The following PLCXD3 variants were observed in gnomAD, a reference collection of about 807,000 sequenced individuals.
PLCXD3 encodes the protein phosphatidylinositol specific phospholipase C X domain containing 3, also known as PI-PLC X domain-containing protein 3.
A neutral mutation model predicts 25.5 loss-of-function variants in PLCXD3; 19 were observed. That is an observed-to-expected ratio of 0.75 (90% CI 0.52 to 1.09). The LOEUF is 1.09. Among genes scored for constraint, PLCXD3 ranks in the 50% least tolerant of loss-of-function variants. The pLI is 0.00. For synonymous variants in PLCXD3, 174 were observed against 137.6 expected (o/e 1.26, Z -1.85); for missense variants, 411 against 388.1 (o/e 1.06, Z -0.50).
intron 1 of PLCXD3, among the ~76,000 whole-genome samples, chr5:41,476,536 G>A (rs187296542): frequency 6.6e-6 from 1 of 152,300 alleles, no homozygotes; most frequent in Admixed American, 6.5e-5. Context: ...TCTTATACAT[G>A]TTGTCTCCAT....
At chr5:41,356,107 A>G (rs1167969645) in intron 2 of PLCXD3, among the ~76,000 whole-genome samples, 1 of 152,124 alleles carries the variant, frequency 6.6e-6, no homozygotes, top group Non-Finnish European at 1.5e-5. Flanking sequence ...TCTACTAAAA[A>G]TGCAAAAAAT....
chr5:41,318,836 C>T (rs987931265), intron 2 of PLCXD3, among the ~76,000 whole-genome samples: 2 of 152,084 alleles, frequency 1.3e-5, no homozygotes, highest in Non-Finnish European at 2.9e-5. Flanking sequence ...ACCCAATGAT[C>T]TATTGCCTAC....
intron 2 of PLCXD3, among the ~76,000 whole-genome samples, chr5:41,322,914 C>T (rs994736610): frequency 6.6e-6 from 1 of 150,838 alleles, no homozygotes; most frequent in East Asian, 1.9e-4. Context: ...GAGGAGGTTG[C>T]AGTGAGTCAA....
intron 1 of PLCXD3, among the ~76,000 whole-genome samples, chr5:41,491,447 G>C (rs1314757195): frequency 6.6e-5 from 10 of 152,184 alleles, no homozygotes; most frequent in Non-Finnish European, 1.0e-4. Context: ...ATGTCTATTA[G>C]GTCCACTTGG....
chr5:41,474,828 A>G (rs967894770), intron 1 of PLCXD3, among the ~76,000 whole-genome samples: 9 of 152,312 alleles, frequency 5.9e-5, no homozygotes, highest in African/African-American at 2.2e-4. Context: ...AATCCCATGT[A>G]TCCTGTTGGC....
intron 1 of PLCXD3, chr5:41,475,608 C>T (rs373766644): frequency 3.9e-5 from 21 of 534,578 alleles, no homozygotes; most frequent in African/African-American, 3.7e-4. Context: ...CCCTTCAGGT[C>T]TCTTCAGGTC....
At chr5:41,325,706 C>T (rs189959141) in intron 2 of PLCXD3, among the ~76,000 whole-genome samples, 15 of 152,250 alleles carry the variant, frequency 9.9e-5, no homozygotes, top group Admixed American at 2.0e-4. Context: ...TGAAAGATGA[C>T]TCTGGTGGTA....
At chr5:41,335,616 A>C (rs72755972) in intron 2 of PLCXD3, among the ~76,000 whole-genome samples, 12,862 of 152,154 alleles carry the variant, frequency 0.085, 834 homozygotes, top group East Asian at 0.35. Flanking sequence ...TGTGGAGAGA[A>C]ATAGGGAAAT....
intron 2 of PLCXD3, among the ~76,000 whole-genome samples, chr5:41,351,629 T>A (rs1300981329): frequency 1.3e-5 from 2 of 152,192 alleles, no homozygotes; most frequent in Non-Finnish European, 2.9e-5. Flanking sequence ...TCAGTTTTCA[T>A]ATATTTAAAA....
chr5:41,489,541 A>C (rs2150525073), intron 1 of PLCXD3, among the ~76,000 whole-genome samples: 1 of 152,234 alleles, frequency 6.6e-6, no homozygotes, highest in Admixed American at 6.5e-5. Context: ...TTTTCACAAT[A>C]TTGATTCTTC....
intron 1 of PLCXD3, among the ~76,000 whole-genome samples, chr5:41,394,249 CA>C (rs1349484498): frequency 6.6e-6 from 1 of 151,920 alleles, no homozygotes. Context: ...TATAAGATAG[CA>C]TTGGTAAGCC....
chr5:41,479,088 T>TCATTGA (rs1406043590), intron 1 of PLCXD3, among the ~76,000 whole-genome samples: 14 of 152,158 alleles, frequency 9.2e-5, no homozygotes, highest in Admixed American at 3.3e-4. Context: ...CACCAAATGT[T>TCATTGA]CATTGACAGA....
At chr5:41,438,454 G>A (rs959679258) in intron 1 of PLCXD3, among the ~76,000 whole-genome samples, 2 of 152,102 alleles carry the variant, frequency 1.3e-5, no homozygotes, top group African/African-American at 2.4e-5. Flanking sequence ...CCACCTGCAC[G>A]CTGGGAGAAT....
intron 1 of PLCXD3, among the ~76,000 whole-genome samples, chr5:41,439,732 C>A (rs1451969169): frequency 1.3e-5 from 2 of 152,130 alleles, no homozygotes; most frequent in Non-Finnish European, 2.9e-5. Context: ...CTGTTATATG[C>A]AATGAAACTG....
chr5:41,475,736 GA>G (rs764462310), intron 1 of PLCXD3: 2 of 534,454 alleles, frequency 3.7e-6, no homozygotes, highest in African/African-American at 3.9e-5. Flanking sequence ...GTCATTACAA[GA>G]GTTACTTCTG....
chr5:41,328,749 A>C (rs962490100), intron 2 of PLCXD3, among the ~76,000 whole-genome samples: 3 of 152,206 alleles, frequency 2.0e-5, no homozygotes, highest in African/African-American at 7.2e-5. Flanking sequence ...TGTGAGAACC[A>C]GAGGTCGTCT....
intron 2 of PLCXD3, among the ~76,000 whole-genome samples, chr5:41,322,350 A>G (rs1332546644): frequency 6.6e-6 from 1 of 152,232 alleles, no homozygotes; most frequent in East Asian, 1.9e-4. Context: ...TGATTATCAG[A>G]GAGATGCAAA....
intron 1 of PLCXD3, among the ~76,000 whole-genome samples, chr5:41,452,198 G>A (rs543718870): frequency 1.3e-5 from 2 of 152,086 alleles, no homozygotes; most frequent in Admixed American, 1.3e-4. Flanking sequence ...GCTTGTATAA[G>A]TTTGGATCAG....
rs140735159 is a variant in PLCXD3 at position 41,466,338 on chromosome 5, A to G, written c.103+44086T>C. Among the ~76,000 whole-genome samples, 11 of 152,236 alleles carry G rather than the reference A, an allele frequency of 7.2e-5. No individual in the cohort carries two copies. The East Asian group carries it at 2.1e-3, about 29-fold the overall frequency. ...CAATGTAGGGAGAAAAATCATATGT[A>G]CTATAAAAATGTGAGTATTACATAT... On this transcript the variant is annotated intron_variant, in intron 1 of 2. Transcript: ENST00000377801.
Sources: allele counts gnomAD v4.1 joint callset (sites outside exome capture counted in the v4.1 genomes callset), GRCh38; gene constraint gnomAD v4.1.1; transcripts MANE v1.5; gene names NCBI Gene and HGNC (gene_info 2026-07-23, HGNC 2026-07-21).